Variants in MYO6 observed in about 807,000 individuals in gnomAD.
MYO6 encodes the protein unconventional myosin-VI.
MYO6 carries 74 observed loss-of-function variants against 178.7 expected under a neutral mutation model. That is an observed-to-expected ratio of 0.41 (90% CI 0.34 to 0.50). The LOEUF is 0.50. Ranked by LOEUF, MYO6 falls within the 20% of genes least tolerant of loss-of-function variation. The pLI, the probability that MYO6 is intolerant of heterozygous loss-of-function variation, is 0.09. For synonymous variants in MYO6, 477 were observed against 504.6 expected (o/e 0.95, Z 0.73); for missense variants, 1,330 against 1,547.4 (o/e 0.86, Z 2.36).
intron 31 of MYO6, 31 bp from the exon 32 acceptor site, chr6:75,908,465 A>AT (rs748088709): frequency 0.043 from 44,875 of 1,052,100 alleles, 3 homozygotes; most frequent in South Asian, 0.047. Flanking sequence ...TAACATGTCA[A>AT]TTTTTTTTTT....
chr6:75,757,026 C>CATATATAGTGTGTATATATGTGT (rs1777466030), intron 1 of MYO6, among the ~76,000 whole-genome samples: 1 of 55,268 alleles, frequency 1.8e-5, no homozygotes, highest in African/African-American at 5.3e-5. Flanking sequence ...TGTATACACA[C>CATATATAGTGTGTATATATGTGT]ATATATAGTG....
intron 1 of MYO6, among the ~76,000 whole-genome samples, chr6:75,767,484 GTAT>G (rs1358860670): frequency 3.4e-5 from 5 of 148,890 alleles, no homozygotes; most frequent in Non-Finnish European, 5.9e-5. Flanking sequence ...GTTATAAATA[GTAT>G]ATGGTTCATA....
At chr6:75,784,673 A>G (rs569970597) in intron 1 of MYO6, among the ~76,000 whole-genome samples, 10 of 147,552 alleles carry the variant, frequency 6.8e-5, no homozygotes, top group South Asian at 6.7e-4. Context: ...GTTACTTGGG[A>G]GGCTGAGGCA....
At chr6:75,880,527 A>G (rs553099290) in intron 22 of MYO6, among the ~76,000 whole-genome samples, 2 of 152,246 alleles carry the variant, frequency 1.3e-5, no homozygotes, top group East Asian at 3.9e-4. Flanking sequence ...AAGAAAGTTT[A>G]TGAGTTTGTG....
intron 1 of MYO6, among the ~76,000 whole-genome samples, chr6:75,790,849 A>C (rs1485689914): frequency 1.3e-5 from 2 of 152,174 alleles, no homozygotes; most frequent in Non-Finnish European, 2.9e-5. Context: ...GTAAATTATA[A>C]ATGAAGAACA....
At chr6:75,905,403 G>A (rs1444458028) in intron 30 of MYO6, among the ~76,000 whole-genome samples, 2 of 152,134 alleles carry the variant, frequency 1.3e-5, no homozygotes, top group East Asian at 1.9e-4. Context: ...AGCCATGTGC[G>A]GGATATAATC....
At chr6:75,816,699 A>C (rs1771283347) in intron 1 of MYO6, among the ~76,000 whole-genome samples, 1 of 152,224 alleles carries the variant, frequency 6.6e-6, no homozygotes, top group South Asian at 2.1e-4. Context: ...AGAGTGAGGG[A>C]AAGTTTCCCA....
At chr6:75,795,814 G>T (rs1291909442) in intron 1 of MYO6, among the ~76,000 whole-genome samples, 2 of 152,116 alleles carry the variant, frequency 1.3e-5, no homozygotes, top group African/African-American at 4.8e-5. Flanking sequence ...AAATTGGAGG[G>T]CAAGTGATGA....
chr6:75,780,239 A>G (rs1019720932), intron 1 of MYO6, among the ~76,000 whole-genome samples: 1 of 152,150 alleles, frequency 6.6e-6, no homozygotes, highest in Non-Finnish European at 1.5e-5. Context: ...TCAGGAGTTC[A>G]AGACCGGCCT....
intron 16 of MYO6, among the ~76,000 whole-genome samples, chr6:75,863,526 C>T (rs965699871): frequency 6.6e-6 from 1 of 151,644 alleles, no homozygotes; most frequent in Non-Finnish European, 1.5e-5. Context: ...GCTATTGTCA[C>T]CCAGGCTGGA....
intron 23 of MYO6, among the ~76,000 whole-genome samples, chr6:75,882,870 G>T (rs1778155423): frequency 6.6e-6 from 1 of 152,128 alleles, no homozygotes. Flanking sequence ...ATTGTGGTTG[G>T]TAATTGTGCA....
rs568216839 is a variant in MYO6 at position 75,824,254 on chromosome 6, A to G, written c.187+1403A>G. Among the ~76,000 whole-genome samples, 207 of 152,282 alleles carry G rather than the reference A, an allele frequency of 1.4e-3. 1 individual carries two copies. The highest frequency in any genetic ancestry group is 2.6e-3 in the Non-Finnish European group (174 of 68,018). On this transcript the variant is annotated intron_variant, in intron 3 of 34. Coordinates refer to ENST00000369977, the MANE Select transcript of MYO6 (RefSeq NM_004999.4). The stretch of plus-strand genomic sequence containing the variant: ...CTTGTCTAACTTACAAATTTTTGCA[A>G]CCTCAGTATTTGCTGCCTCTGGCAG...
At chr6:75,815,573 A>C (rs1290832280) in intron 1 of MYO6, among the ~76,000 whole-genome samples, 2 of 152,218 alleles carry the variant, frequency 1.3e-5, no homozygotes, top group African/African-American at 4.8e-5. Context: ...GTATTGATTC[A>C]CTTCTATGAA....
intron 31 of MYO6, among the ~76,000 whole-genome samples, chr6:75,907,932 C>G (rs950305751): frequency 2.0e-5 from 3 of 151,996 alleles, no homozygotes; most frequent in African/African-American, 7.3e-5. Flanking sequence ...TCCCACAGAA[C>G]AATTAGAGTA....
chr6:75,766,878 A>T (rs1778464634), intron 1 of MYO6, among the ~76,000 whole-genome samples: 1 of 152,208 alleles, frequency 6.6e-6, no homozygotes, highest in Non-Finnish European at 1.5e-5. Context: ...TACCTTCTAT[A>T]CATCATTAGT....
Position 75,756,910 on chromosome 6 carries a change from T to TATACAC in MYO6, c.-48+7488_-48+7489insTACACA, listed in dbSNP as rs67653365. Reference sequence around the variant, plus strand: ...TTGTGTGTGTATATATATATATATATACACATATATATACACACCATATAT... The same window carrying TATACAC: ...TTGTGTGTGTATATATATATATATATATACACACACATATATATACACACCATATAT... On this transcript the variant is annotated intron_variant, in intron 1 of 34. Coordinates refer to ENST00000369977, the MANE Select transcript of MYO6 (RefSeq NM_004999.4). Among the ~76,000 whole-genome samples, 846 of 123,940 alleles carry TATACAC rather than the reference T, an allele frequency of 6.8e-3. 40 individuals are homozygous for TATACAC. The highest frequency in any genetic ancestry group is 0.026 in the African/African-American group (814 of 30,974). The allele number at this position is 123,940 out of a possible 152,430, so 81.3% of individuals were successfully genotyped here.
chr6:75,820,648 G>A (rs1771774923), intron 2 of MYO6, among the ~76,000 whole-genome samples: 1 of 152,132 alleles, frequency 6.6e-6, no homozygotes, highest in Non-Finnish European at 1.5e-5. Flanking sequence ...AGGGACTACA[G>A]GTGTGAGCCA....
rs956520439 is a variant in MYO6 at position 75,781,955 on chromosome 6, G to C, written c.-48+32532G>C. Among the ~76,000 whole-genome samples the C allele has an allele frequency of 4.2e-4, 64 of 151,140 alleles. 1 individual carries two copies. Among genetic ancestry groups the C allele is most frequent in the African/African-American group, 1.4e-3 (58 of 41,308 alleles). On this transcript the variant is annotated intron_variant, in intron 1 of 34. Transcript: ENST00000369977. ...AAAAAAAAAAAAAAGATAAAGGAAT[G>C]GGGGGAGTGGCGTGTCACCTAAACC...
At chr6:75,808,332 G>A (rs1345216885) in intron 1 of MYO6, among the ~76,000 whole-genome samples, 1 of 152,136 alleles carries the variant, frequency 6.6e-6, no homozygotes, top group Admixed American at 6.5e-5. Flanking sequence ...TTCTCTGTGT[G>A]TTCCCTTGGC....
Sources: gnomAD v4.1 joint callset for allele counts (sites outside exome capture counted in the v4.1 genomes callset) on GRCh38, gnomAD v4.1.1 for gene constraint, MANE v1.5 for transcripts, NCBI Gene and HGNC (gene_info 2026-07-23, HGNC 2026-07-21) for gene names.